Variants in SNTG1 observed in about 807,000 individuals in gnomAD.
SNTG1 encodes gamma-1-syntrophin.
A neutral mutation model predicts 74.7 loss-of-function variants in SNTG1; 39 were observed. The observed-to-expected ratio is 0.52, with a 90% CI of 0.40 to 0.68. The LOEUF (loss-of-function observed/expected upper bound fraction) is 0.68, where lower values mean the gene tolerates loss of function less well. SNTG1 is among the 30% of genes least tolerant of loss of function. The probability of loss-of-function intolerance (pLI) is 0.00; values close to 1 mark genes in which losing one functional copy is unlikely to be tolerated. For synonymous variants in SNTG1, 254 were observed against 217.1 expected (o/e 1.17, Z -1.49); for missense variants, 685 against 609.5 (o/e 1.12, Z -1.30).
chr8:50,151,130 T>C (rs549944879), intron 1 of SNTG1, among the ~76,000 whole-genome samples: 15 of 152,290 alleles, frequency 9.8e-5, no homozygotes, highest in African/African-American at 3.4e-4. Flanking sequence ...TCTTCCTGGC[T>C]TAGTCTTGGG....
chr8:50,190,891 G>A (rs2083548156), intron 2 of SNTG1, among the ~76,000 whole-genome samples: 2 of 152,060 alleles, frequency 1.3e-5, no homozygotes, highest in South Asian at 2.1e-4. Flanking sequence ...GAAACAAGGT[G>A]GAATGACACG....
At chr8:50,338,706 C>G (rs946191579) in intron 2 of SNTG1, among the ~76,000 whole-genome samples, 1 of 151,790 alleles carries the variant, frequency 6.6e-6, no homozygotes, top group Non-Finnish European at 1.5e-5. Context: ...CTTGAAGATA[C>G]GTCTATGGAA....
At chr8:50,670,821 C>T (rs1166470368) in intron 15 of SNTG1, among the ~76,000 whole-genome samples, 1 of 151,146 alleles carries the variant, frequency 6.6e-6, no homozygotes, top group Non-Finnish European at 1.5e-5. Context: ...ACCAAAACAG[C>T]ATGGTACTGG....
rs564714634 is a variant in SNTG1 at position 50,682,471 on chromosome 8, T to A, written c.1039-22129T>A. ...CTACTGATTAGAGCTGGTGGGAAAG[T>A]TGTGAAACTAGAAGCAAGGGGTCAA... On this transcript the variant is annotated intron_variant, in intron 15 of 18. Coordinates refer to ENST00000642720, the MANE Select transcript of SNTG1 (RefSeq NM_018967.5). 2.0e-5 allele frequency among the ~76,000 whole-genome samples: 3 copies of A among 152,154 alleles called. No homozygotes were observed. In the South Asian group the frequency reaches 6.2e-4, roughly 32 times the overall value.
rs1188148931 is a variant in SNTG1 at position 50,536,700 on chromosome 8, G to T, written c.572G>T (p.Trp191Leu). 8.7e-6 allele frequency: 14 copies of T among 1,613,916 alleles called. No individual in the cohort carries two copies. Among genetic ancestry groups the T allele is most frequent in the Non-Finnish European group, 1.1e-5 (13 of 1,179,832 alleles). The part of the protein sequence containing the change: ...NNTDTLSCSS[W>L]PTSPGLRWEK... ...CAGGACACATTATCATGCTCGTCGTGGCCGACGTCTCCAGGCTTGAGGTGG... is the reference window on the plus strand; with the variant it reads ...CAGGACACATTATCATGCTCGTCGTTGCCGACGTCTCCAGGCTTGAGGTGG... Residue 191 changes from tryptophan to leucine, a missense_variant, in exon 11 of 19, where the codon TGG (tryptophan) becomes TTG (leucine). Trp to Leu is a moderately conservative substitution (Grantham distance 61). Transcript: ENST00000642720.
chr8:50,404,788 C>T (rs189149451), intron 4 of SNTG1, among the ~76,000 whole-genome samples: 8 of 152,138 alleles, frequency 5.3e-5, no homozygotes, highest in Admixed American at 2.0e-4. Flanking sequence ...AAACTCTGTA[C>T]GCATTAAACA....
At chr8:50,320,390 A>G (rs1480733604) in intron 2 of SNTG1, among the ~76,000 whole-genome samples, 1 of 151,338 alleles carries the variant, frequency 6.6e-6, no homozygotes, top group East Asian at 1.9e-4. Context: ...ATTTATTTGG[A>G]TTTTTTTCTC....
intron 4 of SNTG1, among the ~76,000 whole-genome samples, chr8:50,412,629 G>T (rs535956815): frequency 6.6e-6 from 1 of 152,266 alleles, no homozygotes; most frequent in East Asian, 1.9e-4. Context: ...GAGTACAGAG[G>T]TCTAGGTCAG....
rs185945143 is a variant in SNTG1 at position 50,527,426 on chromosome 8, C to T, written c.467-2751C>T. 1.8e-3 allele frequency among the ~76,000 whole-genome samples: 275 copies of T among 152,070 alleles called. 3 individuals are homozygous for T. The highest frequency in any genetic ancestry group is 6.3e-3 in the African/African-American group (260 of 41,522). On this transcript the variant is annotated intron_variant, in intron 9 of 18. Coordinates refer to ENST00000642720, the MANE Select transcript of SNTG1 (RefSeq NM_018967.5). ...TTTTTTCTTATTTTCCTCTAGAGGC[C>T]TGTTGCTTTAGCTTTTATGTTTACA...
intron 13 of SNTG1, among the ~76,000 whole-genome samples, chr8:50,630,246 T>C (rs1008619866): frequency 2.0e-5 from 3 of 152,126 alleles, no homozygotes; most frequent in African/African-American, 7.2e-5. Flanking sequence ...ATATCATGCA[T>C]TTACTCTGCT....
At chr8:50,212,237 C>G (rs998004474) in intron 2 of SNTG1, among the ~76,000 whole-genome samples, 1 of 152,074 alleles carries the variant, frequency 6.6e-6, no homozygotes, top group Non-Finnish European at 1.5e-5. Flanking sequence ...GCTCTGTTGC[C>G]TGGGCAACAC....
intron 4 of SNTG1, among the ~76,000 whole-genome samples, chr8:50,418,051 T>C (rs2093035978): frequency 1.3e-5 from 2 of 152,102 alleles, no homozygotes; most frequent in African/African-American, 4.8e-5. Context: ...TAATTTCCCC[T>C]TCTTCAAAAG....
chr8:50,070,328 A>G (rs1821259581), intron 1 of SNTG1, among the ~76,000 whole-genome samples: 2 of 152,226 alleles, frequency 1.3e-5, no homozygotes, highest in Non-Finnish European at 1.5e-5. Context: ...ATTTAAAAAA[A>G]TAGCTTTTCT....
intron 17 of SNTG1, among the ~76,000 whole-genome samples, chr8:50,740,091 G>A (rs1359506511): frequency 6.6e-6 from 1 of 151,974 alleles, no homozygotes; most frequent in Non-Finnish European, 1.5e-5. Flanking sequence ...GATGCCAAAA[G>A]CAATTACAAC....
chr8:50,739,881 T>C (rs955962164), intron 17 of SNTG1, among the ~76,000 whole-genome samples: 15 of 152,004 alleles, frequency 9.9e-5, no homozygotes, highest in African/African-American at 3.6e-4. Context: ...GGGGTAAGGA[T>C]TCCCTATTCA....
chr8:49,954,421 G>C (rs549312144), intron 1 of SNTG1, among the ~76,000 whole-genome samples: 1 of 152,236 alleles, frequency 6.6e-6, no homozygotes, highest in South Asian at 2.1e-4. Flanking sequence ...AAGTGAAAGT[G>C]AATTTGTAAA....
At chr8:50,385,017 T>C (rs2092551744) in intron 2 of SNTG1, among the ~76,000 whole-genome samples, 1 of 152,166 alleles carries the variant, frequency 6.6e-6, no homozygotes, top group African/African-American at 2.4e-5. Context: ...GGAGTTGTTA[T>C]CCAGAGAAGA....
intron 2 of SNTG1, among the ~76,000 whole-genome samples, chr8:50,363,347 C>G (rs991747181): frequency 2.0e-4 from 31 of 152,250 alleles, no homozygotes; most frequent in African/African-American, 7.0e-4. Flanking sequence ...TGGGAGGTAA[C>G]AGTTGTGGCC....
chr8:49,963,158 C>G (rs1185045069), intron 1 of SNTG1, among the ~76,000 whole-genome samples: 3 of 152,202 alleles, frequency 2.0e-5, no homozygotes, highest in African/African-American at 7.2e-5. Flanking sequence ...ATGAATCCAA[C>G]CCTAAGTTAG....
Sources: allele counts gnomAD v4.1 joint callset (sites outside exome capture counted in the v4.1 genomes callset), GRCh38; gene constraint gnomAD v4.1.1; transcripts MANE v1.5; gene names NCBI Gene and HGNC (gene_info 2026-07-23, HGNC 2026-07-21).